SORL1: variants seen among roughly 807,000 people sequenced by gnomAD.
SORL1 encodes sortilin related receptor 1, also known as sortilin-related receptor.
A neutral mutation model predicts 273.7 loss-of-function variants in SORL1; 127 were observed. That is an observed-to-expected ratio of 0.46 (90% confidence interval 0.40 to 0.54). SORL1 has a LOEUF of 0.54. Among genes scored for constraint, SORL1 ranks in the 20% least tolerant of loss-of-function variants. The probability of loss-of-function intolerance (pLI) is 0.00; values close to 1 mark genes in which losing one functional copy is unlikely to be tolerated. For missense variants in SORL1, 2,494 were observed against 2,846.1 expected (o/e 0.88, Z 2.81); for synonymous variants, 1,031 against 1,067.4 (o/e 0.97, Z 0.66).
At position 121,550,520 on chromosome 11, in the gene SORL1, G is replaced by A; in HGVS notation, c.2181-65G>A. 1 of 1,403,398 alleles carries A rather than the reference G, an allele frequency of 7.1e-7. No homozygotes were observed. The highest frequency in any genetic ancestry group is 1.0e-6 in the Non-Finnish European group (1 of 989,958). 86.9% of individuals were successfully genotyped at this position (1,403,398 alleles called of 1,614,324 possible). On this transcript the variant is annotated intron_variant, in intron 15 of 47. Coordinates refer to ENST00000260197, the MANE Select transcript of SORL1 (RefSeq NM_003105.6). This position sits in a 1 kb window ranked among gnomAD's most constrained non-coding sequence, Gnocchi z 5.3. ...GCCGTGGGTAGTAAGTGTATTCCCA[G>A]CTGGGATGCCTTTGTGGCTATTCTT...
In SORL1 at chr11:121,576,813, A is replaced by C. The variant is rs1249547642; in HGVS notation, c.3461-468A>C. On this transcript the variant is annotated intron_variant, in intron 24 of 47. Coordinates refer to ENST00000260197, the MANE Select transcript of SORL1 (RefSeq NM_003105.6). ...GTTTTGGGAGCTCAGCACTGATTTT[A>C]CTCTCTCTGACTGAGCATCTCACGG... 2.0e-6 allele frequency: 3 copies of C among 1,524,466 alleles called. No homozygotes were observed. The African/African-American group carries it at 4.2e-5, about 21-fold the overall frequency. The allele number at this position is 1,524,466 out of a possible 1,614,324, so 94.4% of individuals were successfully genotyped here.
At chr11:121,541,688 T>C (rs1862352304) in intron 12 of SORL1, among the ~76,000 whole-genome samples, 1 of 152,354 alleles carries the variant, frequency 6.6e-6, no homozygotes, top group African/African-American at 2.4e-5. Flanking sequence ...AGAAGCCCTG[T>C]GATTCTAAAG....
In SORL1 at chr11:121,554,136, G is replaced by T; in HGVS notation, c.2439+27G>T. On this transcript the variant is annotated intron_variant, in intron 17 of 47. Coordinates refer to ENST00000260197, the MANE Select transcript of SORL1 (RefSeq NM_003105.6). This position sits in a 1 kb window ranked among gnomAD's most constrained non-coding sequence, Gnocchi z 4.6. ...TGAGTCAGCGCTTGGTCTGACTGTG[G>T]GAGCTGTGCATCGTGACTGCCCTGT... 1.9e-6 allele frequency: 3 copies of T among 1,607,000 alleles called. No homozygotes were observed. Among genetic ancestry groups the T allele is most frequent in the Non-Finnish European group, 2.6e-6 (3 of 1,174,984 alleles).
intron 11 of SORL1, 90 bp from the exon 12 acceptor site, chr11:121,532,374 C>A: frequency 9.0e-7 from 1 of 1,115,252 alleles, no homozygotes; most frequent in Non-Finnish European, 1.4e-6. Flanking sequence ...TGTCTATGTG[C>A]ACGTGTGTGC....
chr11:121,458,999 C>A (rs559154951), intron 1 of SORL1, among the ~76,000 whole-genome samples: 97 of 152,330 alleles, frequency 6.4e-4, no homozygotes, highest in African/African-American at 2.3e-3. Context: ...TGGTAACATC[C>A]ATGCCCATAG....
intron 21 of SORL1, among the ~76,000 whole-genome samples, chr11:121,561,707 A>AC (rs5795274): frequency 6.7e-6 from 1 of 149,066 alleles, no homozygotes; most frequent in Admixed American, 6.7e-5. Flanking sequence ...AAAAAAAAAA[A>AC]GGCTGGGGGA....
chr11:121,626,213 C>A (rs1034132886), intron 46 of SORL1: 12 of 152,204 alleles, frequency 7.9e-5, no homozygotes, highest in Non-Finnish European at 1.3e-4. Context: ...TGTGCAGACC[C>A]CTCCCGGCCA....
rs573712779 is a variant in SORL1, at chr11:121,495,084, T to G, written c.759-1785T>G. Reference sequence around the variant, plus strand: ...TTGCTCCCATTGTAAAAAGAAGCTCTTTTTTCTTTGTTTTTTCAAGACAGG... The same window carrying G: ...TTGCTCCCATTGTAAAAAGAAGCTCGTTTTTCTTTGTTTTTTCAAGACAGG... On this transcript the variant is annotated intron_variant, in intron 5 of 47. Coordinates refer to ENST00000260197, the MANE Select transcript of SORL1 (RefSeq NM_003105.6). 2.6e-5 allele frequency among the ~76,000 whole-genome samples: 4 copies of G among 152,232 alleles called. No individual in the cohort carries two copies. The South Asian group carries it at 8.3e-4, about 32-fold the overall frequency.
At chr11:121,465,961 T>C (rs1861076022) in intron 1 of SORL1, among the ~76,000 whole-genome samples, 1 of 152,056 alleles carries the variant, frequency 6.6e-6, no homozygotes, top group South Asian at 2.1e-4. Flanking sequence ...AGGTGATCTT[T>C]GGGGGGTGGG....
At chr11:121,507,002 C>T (rs1861798802) in intron 6 of SORL1, among the ~76,000 whole-genome samples, 1 of 152,084 alleles carries the variant, frequency 6.6e-6, no homozygotes, top group Non-Finnish European at 1.5e-5. Context: ...TTGGGGATTA[C>T]AATAAATATC....
intron 46 of SORL1, chr11:121,626,256 G>T (rs1343143987): frequency 6.6e-6 from 1 of 152,190 alleles, no homozygotes; most frequent in South Asian, 2.1e-4. Flanking sequence ...AGGCAGAAGG[G>T]CTCTTGGCCA....
At chr11:121,453,165 C>T (rs1860837518) in intron 1 of SORL1, among the ~76,000 whole-genome samples, 1 of 152,096 alleles carries the variant, frequency 6.6e-6, no homozygotes, top group South Asian at 2.1e-4. Context: ...TTTTGGCGAG[C>T]GTGTGAGATG....
chr11:121,470,007 G>T lies in SORL1; in HGVS notation c.286G>T (p.Val96Phe). The T allele has an allele frequency of 6.2e-7, 1 of 1,604,408 alleles. No homozygotes were observed. The highest frequency in any genetic ancestry group is 8.5e-7 in the Non-Finnish European group (1 of 1,171,108). The change falls in exon 2 of 48, where the codon GTT (valine) becomes TTT (phenylalanine). Residue 96 changes from valine (V) to phenylalanine (F), a missense_variant and splice_region_variant. This residue lies in a region of SORL1 where 175 missense variants were observed against 147.1 expected (regional missense o/e 1.19). Coordinates refer to ENST00000260197, the MANE Select transcript of SORL1 (RefSeq NM_003105.6). The stretch of plus-strand genomic sequence containing the variant: ...TAATTCCTACATTGATCTCTTTCAG[G>T]TTAGTCTGAATGATTCCCACAATCA... ...QPEPIKVYGQ[V>F]SLNDSHNQMV... is the part of the protein sequence containing the mutation.
chr11:121,589,282 G>C lies in SORL1; in HGVS notation c.3970G>C (p.Val1324Leu). Residue 1324 changes from valine to leucine, a missense_variant, in exon 29 of 48, where the codon GTA (valine) becomes CTA (leucine). By Grantham distance (32) the Val-to-Leu change is conservative. This residue lies in a region of SORL1 where 1,609 missense variants were observed against 1,816.4 expected (regional missense o/e 0.89). Transcript: ENST00000260197. The stretch of plus-strand genomic sequence containing the variant: ...AGCCCAAGATCCTGAGTTCCACAAG[G>C]TATGTGATGAGTTCGGTTTCCAGTG... ...GCSQDPEFHKVCDEFGFQCQN... is the reference protein window; with the variant it reads ...GCSQDPEFHKLCDEFGFQCQN... The C allele has an allele frequency of 6.2e-7, 1 of 1,613,512 alleles. No homozygotes were observed. Among genetic ancestry groups the C allele is most frequent in the Non-Finnish European group, 8.5e-7 (1 of 1,179,440 alleles).
At chr11:121,482,255 G>T (rs1209749509) in intron 3 of SORL1, among the ~76,000 whole-genome samples, 1 of 152,204 alleles carries the variant, frequency 6.6e-6, no homozygotes, top group Non-Finnish European at 1.5e-5. Context: ...ACTGGAGGGT[G>T]ATTCCAGTAA....
intron 14 of SORL1, 40 bp from the exon 15 acceptor site, chr11:121,549,920 A>G (rs373371263): frequency 6.2e-7 from 1 of 1,605,962 alleles, no homozygotes; most frequent in South Asian, 1.1e-5. Flanking sequence ...CCTGAAATGT[A>G]TAAAACCGTG....
intron 2 of SORL1, 124 bp downstream of exon 2, chr11:121,470,247 A>G: frequency 1.3e-6 from 1 of 740,940 alleles, no homozygotes; most frequent in East Asian, 2.5e-5. Flanking sequence ...GAATTGTATG[A>G]CAGGGAAGAT....
intron 1 of SORL1, among the ~76,000 whole-genome samples, chr11:121,453,721 A>G (rs192373651): frequency 1.3e-5 from 2 of 152,344 alleles, no homozygotes; most frequent in Admixed American, 1.3e-4. Context: ...AACCTTGTAA[A>G]CATATCACCC....
At chr11:121,455,246 C>A (rs1860883908) in intron 1 of SORL1, among the ~76,000 whole-genome samples, 1 of 152,150 alleles carries the variant, frequency 6.6e-6, no homozygotes, top group Admixed American at 6.5e-5. Context: ...AGCCACAACT[C>A]TACAATGGTG....
Sources: gnomAD v4.1 joint callset for allele counts (sites outside exome capture counted in the v4.1 genomes callset) on GRCh38, gnomAD v4.1.1 for gene constraint, gnomAD v4.1.1 regional missense constraint, Gnocchi (gnomAD v3.1) non-coding constraint, MANE v1.5 for transcripts, NCBI Gene and HGNC (gene_info 2026-07-23, HGNC 2026-07-21) for gene names.